FOXP2: variants seen among roughly 807,000 people sequenced by gnomAD.
FOXP2 encodes the protein forkhead box protein P2.
FOXP2 carries 12 observed loss-of-function variants against 115.8 expected under a neutral mutation model. The ratio of observed to expected loss-of-function variants is 0.10; its 90% CI spans 0.07 to 0.17. The LOEUF (loss-of-function observed/expected upper bound fraction) is 0.17. Ranked by LOEUF, FOXP2 falls within the 10% of genes least tolerant of loss-of-function variation. FOXP2 has a pLI of 1.00. For missense variants in FOXP2, 629 were observed against 843.5 expected (o/e 0.75, Z 3.15); for synonymous variants, 328 against 297.7 (o/e 1.10, Z -1.05).
intron 1 of FOXP2, among the ~76,000 whole-genome samples, chr7:114,286,877 T>A (rs1444334408): frequency 2.0e-5 from 3 of 152,048 alleles, no homozygotes; most frequent in Non-Finnish European, 4.4e-5. Context: ...GATTGTTAAT[T>A]GGCCCTGGAC....
Position 114,109,062 on chromosome 7 carries a change from T to A in FOXP2, c.-247+21224T>A, listed in dbSNP as rs117263034. On this transcript the variant is annotated intron_variant, in intron 1 of 19. Coordinates refer to the FOXP2 transcript ENST00000635638. The stretch of plus-strand genomic sequence containing the variant: ...AGAAATAAGCACTCTGTGTTACTCA[T>A]CCTAATTGCAAACTGTGTTCAGTGG... 4.7e-3 allele frequency among the ~76,000 whole-genome samples: 715 copies of A among 152,108 alleles called. 1 individual carries two copies. The highest frequency in any genetic ancestry group is 0.017 in the South Asian group (84 of 4,832).
At chr7:114,273,369 A>G (rs1255572621) in intron 1 of FOXP2, among the ~76,000 whole-genome samples, 5 of 152,170 alleles carry the variant, frequency 3.3e-5, no homozygotes, top group African/African-American at 7.2e-5. Flanking sequence ...AATGTAGTCT[A>G]TCTTGGTGAG....
chr7:114,396,118 A>AT (rs539367818), intron 2 of FOXP2, among the ~76,000 whole-genome samples: 22 of 150,486 alleles, frequency 1.5e-4, no homozygotes, highest in South Asian at 6.3e-4. Context: ...TATTATTTCT[A>AT]TTTTTTTTTG....
At chr7:114,325,134 G>T (rs796155774) in intron 2 of FOXP2, among the ~76,000 whole-genome samples, 1 of 151,606 alleles carries the variant, frequency 6.6e-6, no homozygotes, top group Non-Finnish European at 1.5e-5. Flanking sequence ...ATGTATTATT[G>T]GTGCAAATAG....
intron 1 of FOXP2, among the ~76,000 whole-genome samples, chr7:114,106,002 C>G (rs1791102356): frequency 6.6e-6 from 1 of 152,008 alleles, no homozygotes; most frequent in Non-Finnish European, 1.5e-5. Flanking sequence ...TCTTCTGTTG[C>G]TTCTGTAGTT....
intron 2 of FOXP2, among the ~76,000 whole-genome samples, chr7:114,288,368 G>A (rs1376121599): frequency 6.6e-6 from 1 of 151,696 alleles, no homozygotes; most frequent in East Asian, 1.9e-4. Context: ...ACACTTATGG[G>A]GAATATGAAT....
intron 2 of FOXP2, among the ~76,000 whole-genome samples, chr7:114,456,548 C>G (rs1218070430): frequency 1.3e-5 from 2 of 152,118 alleles, no homozygotes; most frequent in African/African-American, 2.4e-5. Context: ...AAGTGGGTGT[C>G]TTGGATTTAA....
chr7:114,116,832 G>A (rs1216838594), intron 1 of FOXP2, among the ~76,000 whole-genome samples: 2 of 152,156 alleles, frequency 1.3e-5, no homozygotes, highest in East Asian at 3.9e-4. Flanking sequence ...GAAGCCCTGG[G>A]CCTTCAGTCT....
intron 2 of FOXP2, chr7:114,498,783 C>G (rs1376632240): frequency 7.1e-6 from 5 of 704,926 alleles, no homozygotes; most frequent in Non-Finnish European, 1.3e-5. Context: ...GCATACTTTG[C>G]AAATAATTTT....
rs369338121 is a variant in FOXP2, at chr7:114,195,485, C to T, written c.-102+32397C>T. The stretch of plus-strand genomic sequence containing the variant: ...TGTGTATGATGTTTATATATAATTA[C>T]ATAAGTAATGTATTAGATGTTGTTA... On this transcript the variant is annotated intron_variant, in intron 1 of 17. Transcript: ENST00000634411. Among the ~76,000 whole-genome samples, 32 of 152,136 alleles carry T rather than the reference C, an allele frequency of 2.1e-4. No individual in the cohort carries two copies. The South Asian group carries it at 6.0e-3, about 29-fold the overall frequency.
At chr7:114,186,012 G>A (rs113865694) in intron 1 of FOXP2, among the ~76,000 whole-genome samples, 1,823 of 151,936 alleles carry the variant, frequency 0.012, 43 homozygotes, top group African/African-American at 0.041. Flanking sequence ...AGGAGGGCTG[G>A]ACTTACCCTT....
chr7:114,533,369 G>A (rs570199168), intron 2 of FOXP2, among the ~76,000 whole-genome samples: 2 of 151,918 alleles, frequency 1.3e-5, no homozygotes, highest in Admixed American at 6.6e-5. Flanking sequence ...GTTAAGACGT[G>A]GCAACTTTTT....
At chr7:114,161,605 G>T (rs1792833571), upstream of FOXP2, among the ~76,000 whole-genome samples, 2 of 150,982 alleles carry the variant, frequency 1.3e-5, no homozygotes, top group Non-Finnish European at 2.9e-5. Flanking sequence ...ACTTTAAAGT[G>T]CTATCATGCA....
chr7:114,551,973 G>A (rs1584885922), intron 3 of FOXP2, among the ~76,000 whole-genome samples: 3 of 152,064 alleles, frequency 2.0e-5, no homozygotes, highest in Non-Finnish European at 2.9e-5. Flanking sequence ...AAAACAATAT[G>A]TGCTTTCAAA....
chr7:114,522,917 C>A (rs2129270469), intron 2 of FOXP2, among the ~76,000 whole-genome samples: 1 of 151,888 alleles, frequency 6.6e-6, no homozygotes, highest in Non-Finnish European at 1.5e-5. Flanking sequence ...GTTACACAGG[C>A]ATATATATGC....
intron 1 of FOXP2, among the ~76,000 whole-genome samples, chr7:114,243,712 T>C (rs1342598924): frequency 6.6e-6 from 1 of 152,148 alleles, no homozygotes; most frequent in Non-Finnish European, 1.5e-5. Flanking sequence ...AATGCTATGT[T>C]CCATTATTTC....
intron 2 of FOXP2, among the ~76,000 whole-genome samples, chr7:114,310,830 T>A (rs906878161): frequency 6.6e-6 from 1 of 152,072 alleles, no homozygotes; most frequent in Non-Finnish European, 1.5e-5. Context: ...GGAGTGAAAG[T>A]TTATTAAAAA....
intron 1 of FOXP2, among the ~76,000 whole-genome samples, chr7:114,203,005 T>C: frequency 6.6e-6 from 1 of 152,204 alleles, no homozygotes; most frequent in East Asian, 1.9e-4. Flanking sequence ...ATATCATTGC[T>C]TAATTTACAA....
chr7:114,357,482 A>C (rs1297177587), intron 2 of FOXP2, among the ~76,000 whole-genome samples: 1 of 152,190 alleles, frequency 6.6e-6, no homozygotes, highest in Non-Finnish European at 1.5e-5. Context: ...CATTCCCTTC[A>C]TAATATCAGC....
Sources: allele counts gnomAD v4.1 joint callset (sites outside exome capture counted in the v4.1 genomes callset), GRCh38; gene constraint gnomAD v4.1.1; transcripts MANE v1.5; gene names NCBI Gene and HGNC (gene_info 2026-07-23, HGNC 2026-07-21).